The following TNS1 variants were observed in gnomAD, a reference collection of about 807,000 sequenced individuals.
TNS1 encodes tensin-1.
TNS1 carries 62 observed loss-of-function variants against 168.6 expected under a neutral mutation model. The observed-to-expected ratio is 0.37, with a 90% CI of 0.30 to 0.45. The LOEUF (loss-of-function observed/expected upper bound fraction) is 0.45. Among genes scored for constraint, TNS1 ranks in the 20% least tolerant of loss-of-function variants. The pLI, the probability that TNS1 is intolerant of heterozygous loss-of-function variation, is 1.00. For missense variants in TNS1, 2,240 were observed against 2,339.4 expected, an observed-to-expected ratio of 0.96 and a Z score of 0.88; for synonymous variants, 934 against 933.2, an observed-to-expected ratio of 1.00 and a Z score of -0.02.
At chr2:217,925,724 C>T (rs1006954140) in intron 3 of TNS1, among the ~76,000 whole-genome samples, 1 of 152,166 alleles carries the variant, frequency 6.6e-6, no homozygotes, top group African/African-American at 2.4e-5. Flanking sequence ...CGGTAATGTA[C>T]AACCATTACC....
chr2:217,949,783 GA>G (rs764780335), intron 3 of TNS1, among the ~76,000 whole-genome samples: 1 of 152,122 alleles, frequency 6.6e-6, no homozygotes, highest in Non-Finnish European at 1.5e-5. Flanking sequence ...GAAAAGCTAA[GA>G]TGCTGAAGTG....
intron 3 of TNS1, among the ~76,000 whole-genome samples, chr2:217,929,752 T>C (rs1956223688): frequency 1.4e-5 from 2 of 144,456 alleles, no homozygotes; most frequent in Admixed American, 1.4e-4. Flanking sequence ...CATGTGTCTG[T>C]CTTCCTTCAT....
At chr2:217,899,650 G>A (rs1163754107) in intron 7 of TNS1, among the ~76,000 whole-genome samples, 4 of 152,228 alleles carry the variant, frequency 2.6e-5, no homozygotes, top group Admixed American at 6.5e-5. Flanking sequence ...TGAGTCAGAC[G>A]TGGCCCATCT....
intron 2 of TNS1, among the ~76,000 whole-genome samples, chr2:217,982,256 A>C (rs558485943): frequency 2.2e-4 from 34 of 152,306 alleles, no homozygotes; most frequent in African/African-American, 8.2e-4. Flanking sequence ...TCAGGCTTTC[A>C]GATGAATACG....
At chr2:218,000,292 A>C (rs1958538252) in intron 1 of TNS1, among the ~76,000 whole-genome samples, 1 of 152,228 alleles carries the variant, frequency 6.6e-6, no homozygotes, top group South Asian at 2.1e-4. Context: ...GAACCAATAG[A>C]TGCAAGCACT....
intron 3 of TNS1, among the ~76,000 whole-genome samples, chr2:217,964,077 T>C (rs1472522317): frequency 1.3e-5 from 2 of 152,050 alleles, no homozygotes; most frequent in Non-Finnish European, 2.9e-5. Flanking sequence ...AACATTCAAA[T>C]TGTCTTCCCT....
Position 217,906,449 on chromosome 2 carries a change from T to A in TNS1, c.271-64A>T. The A allele has an allele frequency of 5.7e-6, 4 of 701,436 alleles. No homozygotes were observed. The South Asian group carries it at 5.9e-5, about 10-fold the overall frequency. 43.5% of individuals were successfully genotyped at this position (701,436 alleles called of 1,614,324 possible). ...GAAAAATAATCAAAATGCACCTTGC[T>A]GGGTTTGTCAGGAGCGGCAGATGAG... On this transcript the variant is annotated intron_variant, in intron 5 of 32. Transcript: ENST00000682258.
At chr2:217,882,120 C>A in intron 17 of TNS1, 1 of 455,944 alleles carries the variant, frequency 2.2e-6, no homozygotes, top group Non-Finnish European at 3.8e-6. Flanking sequence ...AACAGTTTAT[C>A]CAACCCAGTG....
chr2:217,851,468 CACACA>C (rs1947481904), intron 18 of TNS1, among the ~76,000 whole-genome samples: 1 of 151,222 alleles, frequency 6.6e-6, no homozygotes, highest in African/African-American at 2.4e-5. Context: ...CACACACACA[CACACA>C]CCCCAGGGAC....
chr2:217,887,792 G>A (rs982030036), intron 12 of TNS1, among the ~76,000 whole-genome samples: 2 of 152,192 alleles, frequency 1.3e-5, no homozygotes, highest in African/African-American at 2.4e-5. Flanking sequence ...GGGCTCCAAC[G>A]CATCTGCCCA....
chr2:217,929,187 G>T (rs1956186606), intron 3 of TNS1, among the ~76,000 whole-genome samples: 1 of 152,190 alleles, frequency 6.6e-6, no homozygotes. Flanking sequence ...ACGACACCAT[G>T]GCACCCAGAT....
intron 3 of TNS1, among the ~76,000 whole-genome samples, chr2:217,923,159 AG>A (rs1477856016): frequency 1.3e-5 from 2 of 152,060 alleles, no homozygotes; most frequent in African/African-American, 4.8e-5. Context: ...GGGTGGCTAT[AG>A]GGGGTCTTGG....
chr2:217,997,825 T>C (rs1361247197), intron 1 of TNS1, among the ~76,000 whole-genome samples: 1 of 152,236 alleles, frequency 6.6e-6, no homozygotes, highest in Non-Finnish European at 1.5e-5. Flanking sequence ...ATTCGTGTTG[T>C]CTTTTCTGTG....
At chr2:217,859,390 T>C in intron 18 of TNS1, 1 of 478,212 alleles carries the variant, frequency 2.1e-6, no homozygotes, top group Non-Finnish European at 3.7e-6. Flanking sequence ...CAGGGCAGAG[T>C]CCAGGAGCCA....
At chr2:217,891,072 G>T in intron 11 of TNS1, 27 bp from the exon 12 acceptor site, 1 of 1,612,888 alleles carries the variant, frequency 6.2e-7, no homozygotes. Context: ...GTGGTCAAAA[G>T]AGGCAACTCC....
At chr2:217,866,532 C>T (rs1360180942) in intron 18 of TNS1, among the ~76,000 whole-genome samples, 1 of 152,196 alleles carries the variant, frequency 6.6e-6, no homozygotes, top group African/African-American at 2.4e-5. Context: ...TGTAAACACA[C>T]ACCAGGCTGC....
chr2:217,845,269 C>G (rs1378302204), intron 19 of TNS1, among the ~76,000 whole-genome samples: 1 of 152,140 alleles, frequency 6.6e-6, no homozygotes, highest in Non-Finnish European at 1.5e-5. Context: ...TCTGAGCTTC[C>G]TAGGTTACTC....
chr2:217,987,295 A>G (rs2126074222), intron 2 of TNS1, among the ~76,000 whole-genome samples: 1 of 152,276 alleles, frequency 6.6e-6, no homozygotes, highest in Middle Eastern at 3.4e-3. Flanking sequence ...GACCCAGGAC[A>G]GGGTTCATAT....
chr2:217,999,911 G>T (rs1455945187), intron 1 of TNS1, among the ~76,000 whole-genome samples: 1 of 152,210 alleles, frequency 6.6e-6, no homozygotes, highest in Non-Finnish European at 1.5e-5. Context: ...AGCTGGCTCA[G>T]GGCAGAGCCA....
Sources: allele counts gnomAD v4.1 joint callset (sites outside exome capture counted in the v4.1 genomes callset), GRCh38; gene constraint gnomAD v4.1.1; transcripts MANE v1.5; gene names NCBI Gene and HGNC (gene_info 2026-07-23, HGNC 2026-07-21).